SPOCK3: variants seen among roughly 807,000 people sequenced by gnomAD.
SPOCK3 encodes the protein testican-3.
A neutral mutation model predicts 56.6 loss-of-function variants in SPOCK3; 30 were observed. That is an observed-to-expected ratio of 0.53 (90% CI 0.40 to 0.72). SPOCK3 has a LOEUF of 0.72. Among genes scored for constraint, SPOCK3 ranks in the 30% least tolerant of loss-of-function variants. The pLI is 0.00. For missense variants in SPOCK3, 527 were observed against 530.0 expected (o/e 0.99, Z 0.06); for synonymous variants, 196 against 183.3 (o/e 1.07, Z -0.56).
chr4:166,739,967 A>G (rs1189128310), intron 9 of SPOCK3, among the ~76,000 whole-genome samples: 1 of 152,204 alleles, frequency 6.6e-6, no homozygotes, highest in Non-Finnish European at 1.5e-5. Context: ...ATTAAAGGCC[A>G]GAAAAAATAA....
intron 4 of SPOCK3, among the ~76,000 whole-genome samples, chr4:166,988,670 G>C (rs1245414053): frequency 6.6e-6 from 1 of 152,046 alleles, no homozygotes; most frequent in Admixed American, 6.6e-5. Flanking sequence ...GCAGATAATG[G>C]GAGGCTTTGA....
chr4:166,834,931 G>A (rs558436681), intron 6 of SPOCK3, among the ~76,000 whole-genome samples: 4 of 151,398 alleles, frequency 2.6e-5, no homozygotes, highest in South Asian at 2.1e-4. Context: ...TTTATTTTTT[G>A]TTTTACTATC....
chr4:166,784,258 C>T (rs559287994), intron 7 of SPOCK3, among the ~76,000 whole-genome samples: 26 of 152,034 alleles, frequency 1.7e-4, no homozygotes, highest in Middle Eastern at 6.8e-3. Context: ...TCTCAGGACA[C>T]GATAATGTAA....
intron 4 of SPOCK3, among the ~76,000 whole-genome samples, chr4:166,948,202 T>C (rs532380227): frequency 6.6e-6 from 1 of 152,340 alleles, no homozygotes; most frequent in South Asian, 2.1e-4. Flanking sequence ...ACGTTTTTAA[T>C]GGTCGAATAG....
chr4:167,094,638 A>C (rs1758990907), intron 2 of SPOCK3, among the ~76,000 whole-genome samples: 1 of 152,160 alleles, frequency 6.6e-6, no homozygotes, highest in South Asian at 2.1e-4. Context: ...TAACTTGATA[A>C]ATAATATCCA....
chr4:166,963,670 T>C (rs1001089632), intron 4 of SPOCK3, among the ~76,000 whole-genome samples: 1 of 151,998 alleles, frequency 6.6e-6, no homozygotes, highest in Non-Finnish European at 1.5e-5. Context: ...AAATTTGCTA[T>C]TAAATATTCT....
At chr4:167,034,332 C>CA (rs533826668) in intron 3 of SPOCK3, among the ~76,000 whole-genome samples, 2,257 of 144,760 alleles carry the variant, frequency 0.016, 24 homozygotes, top group Non-Finnish European at 0.021. Flanking sequence ...ATCAAAATAA[C>CA]AAAAAAAAAA....
chr4:166,828,763 T>C (rs1403558087), intron 6 of SPOCK3, among the ~76,000 whole-genome samples: 2 of 152,038 alleles, frequency 1.3e-5, no homozygotes, highest in Non-Finnish European at 2.9e-5. Context: ...GGATATCACA[T>C]ACACAGTGAC....
chr4:166,752,777 C>T (rs7697656), intron 8 of SPOCK3, among the ~76,000 whole-genome samples: 1 of 151,632 alleles, frequency 6.6e-6, no homozygotes, highest in African/African-American at 2.4e-5. Flanking sequence ...CACTAGCATG[C>T]CTTCTCAGTT....
At chr4:167,060,729 T>C (rs1209576522) in intron 3 of SPOCK3, among the ~76,000 whole-genome samples, 1 of 152,132 alleles carries the variant, frequency 6.6e-6, no homozygotes, top group Non-Finnish European at 1.5e-5. Flanking sequence ...TTCTTGATAG[T>C]GTTATCATAT....
chr4:166,990,276 A>T (rs1250621982), intron 4 of SPOCK3, among the ~76,000 whole-genome samples: 1 of 152,180 alleles, frequency 6.6e-6, no homozygotes, highest in Non-Finnish European at 1.5e-5. Context: ...TAAGAAGTAA[A>T]TTGAGCTCCA....
chr4:166,746,049 C>A (rs1735566399), intron 8 of SPOCK3, among the ~76,000 whole-genome samples: 2 of 152,166 alleles, frequency 1.3e-5, no homozygotes, highest in Admixed American at 6.5e-5. Context: ...GAGACTTTAA[C>A]ACCCTACTGT....
chr4:167,078,031 A>C (rs907600194), intron 2 of SPOCK3, among the ~76,000 whole-genome samples: 1 of 151,880 alleles, frequency 6.6e-6, no homozygotes, highest in Non-Finnish European at 1.5e-5. Flanking sequence ...TTCTATAGAG[A>C]GTCATGGTAG....
intron 3 of SPOCK3, among the ~76,000 whole-genome samples, chr4:167,057,241 G>A (rs1402476642): frequency 6.6e-6 from 1 of 152,130 alleles, no homozygotes; most frequent in East Asian, 1.9e-4. Context: ...AATGCTCAGC[G>A]ATTTTGTCAC....
chr4:166,946,391 C>T (rs962120608), intron 4 of SPOCK3, among the ~76,000 whole-genome samples: 1 of 152,214 alleles, frequency 6.6e-6, no homozygotes, highest in Non-Finnish European at 1.5e-5. Context: ...ATACCCCAGG[C>T]TCAGTCTGCT....
intron 9 of SPOCK3, among the ~76,000 whole-genome samples, chr4:166,739,303 C>T (rs553920141): frequency 1.1e-3 from 160 of 152,118 alleles, no homozygotes; most frequent in African/African-American, 1.5e-3. Context: ...TGCAGTGGGG[C>T]GATCTCGGCT....
rs1748203803 is a variant in SPOCK3, at chr4:166,847,647, T to TATATATA, written c.589+41482_589+41483insTATATAT. Among the ~76,000 whole-genome samples the TATATATA allele has an allele frequency of 1.4e-3, 78 of 55,398 alleles. 2 individuals carry two copies. The highest frequency in any genetic ancestry group is 3.6e-3 in the African/African-American group (70 of 19,604). The allele number at this position is 55,398 out of a possible 152,430, so 36.3% of individuals were successfully genotyped here. A position where few individuals can be genotyped will look rare whatever the true frequency, so the allele number is the denominator to read the frequency against. On this transcript the variant is annotated intron_variant, in intron 6 of 10. Transcript: ENST00000357545. Reference sequence around the variant, plus strand: ...CACAATTCAAAAGGAAAATCCTAGTTTATATATATATATATATATATATAT... The same window carrying TATATATA: ...CACAATTCAAAAGGAAAATCCTAGTTATATATATATATATATATATATATATATATAT...
intron 7 of SPOCK3, among the ~76,000 whole-genome samples, chr4:166,769,197 A>G (rs1387370825): frequency 2.0e-5 from 3 of 152,176 alleles, no homozygotes; most frequent in Non-Finnish European, 4.4e-5. Flanking sequence ...CGTCAAAGTT[A>G]TTCGCTGTCC....
At chr4:166,868,786 A>C (rs543328059) in intron 6 of SPOCK3, among the ~76,000 whole-genome samples, 4 of 152,228 alleles carry the variant, frequency 2.6e-5, no homozygotes, top group Admixed American at 1.3e-4. Flanking sequence ...CTATGTGTAC[A>C]TTTCTCAAAC....
Sources: allele counts gnomAD v4.1 joint callset (sites outside exome capture counted in the v4.1 genomes callset), GRCh38; gene constraint gnomAD v4.1.1; transcripts MANE v1.5; gene names NCBI Gene and HGNC (gene_info 2026-07-23, HGNC 2026-07-21).